Variants in KHDRBS3 observed in about 807,000 individuals in gnomAD.
The protein encoded by KHDRBS3 is KH domain-containing, RNA-binding, signal transduction-associated protein 3.
KHDRBS3 carries 23 observed loss-of-function variants against 45.6 expected under a neutral mutation model. The ratio of observed to expected loss-of-function variants is 0.50; its 90% CI spans 0.36 to 0.72. The LOEUF (loss-of-function observed/expected upper bound fraction) is 0.72. KHDRBS3 is among the 30% of genes least tolerant of loss of function. The pLI, the probability that KHDRBS3 is intolerant of heterozygous loss-of-function variation, is 0.00. For synonymous variants in KHDRBS3, 162 were observed against 156.5 expected (o/e 1.04, Z -0.26); for missense variants, 352 against 424.8 (o/e 0.83, Z 1.51).
At chr8:135,534,522 A>G (rs1825637658) in intron 2 of KHDRBS3, among the ~76,000 whole-genome samples, 1 of 152,162 alleles carries the variant, frequency 6.6e-6, no homozygotes, top group Non-Finnish European at 1.5e-5. Flanking sequence ...CGCTCAGAGA[A>G]ATCACCATCT....
At chr8:135,610,384 T>G (rs1194476150) in intron 7 of KHDRBS3, among the ~76,000 whole-genome samples, 1 of 151,882 alleles carries the variant, frequency 6.6e-6, no homozygotes, top group Non-Finnish European at 1.5e-5. Context: ...GCTCATGGTC[T>G]TTCTACTTGA....
At chr8:135,610,097 A>G (rs998774516) in intron 7 of KHDRBS3, among the ~76,000 whole-genome samples, 5 of 151,878 alleles carry the variant, frequency 3.3e-5, no homozygotes, top group African/African-American at 1.2e-4. Context: ...GGTTTTTGAT[A>G]TTTGATATAA....
At chr8:135,654,649 C>T (rs1347228025) in intron 4 of KHDRBS3, among the ~76,000 whole-genome samples, 1 of 152,178 alleles carries the variant, frequency 6.6e-6, no homozygotes, top group Non-Finnish European at 1.5e-5. Context: ...GAAAGTCCTG[C>T]GACCCTTCCT....
chr8:135,619,708 A>C (rs888792341), intron 7 of KHDRBS3, among the ~76,000 whole-genome samples: 21 of 152,368 alleles, frequency 1.4e-4, no homozygotes, highest in Middle Eastern at 3.4e-3. Context: ...GTCGAAGCTA[A>C]ATATGTCTTA....
chr8:135,652,268 C>A (rs141443422), downstream of KHDRBS3, among the ~76,000 whole-genome samples: 70 of 152,304 alleles, frequency 4.6e-4, 2 homozygotes, highest in African/African-American at 1.6e-3. Flanking sequence ...GATGGAAAAT[C>A]CCGTCCAGTT....
At chr8:135,467,224 T>C (rs1821742864) in intron 1 of KHDRBS3, among the ~76,000 whole-genome samples, 2 of 152,264 alleles carry the variant, frequency 1.3e-5, no homozygotes, top group Admixed American at 1.3e-4. Context: ...TCGTTGTATC[T>C]AAGATGAGAT....
chr8:135,624,474 A>G (rs561280495), intron 7 of KHDRBS3, among the ~76,000 whole-genome samples: 1 of 152,350 alleles, frequency 6.6e-6, no homozygotes, highest in African/African-American at 2.4e-5. Context: ...AAAAATAGAA[A>G]TGCTTAATGA....
intron 6 of KHDRBS3, chr8:135,593,352 A>T (rs2130971473): frequency 6.6e-6 from 1 of 152,334 alleles, no homozygotes; most frequent in South Asian, 2.1e-4. Context: ...ATTTGGATCC[A>T]CAAGTATACA....
At chr8:135,507,044 G>A (rs747876482) in intron 1 of KHDRBS3, among the ~76,000 whole-genome samples, 3 of 151,756 alleles carry the variant, frequency 2.0e-5, no homozygotes, top group Admixed American at 1.3e-4. Flanking sequence ...TTATCTGCCC[G>A]CCCCAAATAA....
chr8:135,612,145 G>A (rs73712092), intron 7 of KHDRBS3, among the ~76,000 whole-genome samples: 1,994 of 151,838 alleles, frequency 0.013, 100 homozygotes, highest in African/African-American at 0.046. Context: ...AATCACCTCG[G>A]TGCCAAAACA....
intron 2 of KHDRBS3, among the ~76,000 whole-genome samples, chr8:135,530,782 A>G (rs556728108): frequency 5.3e-5 from 8 of 152,320 alleles, no homozygotes; most frequent in Admixed American, 2.0e-4. Context: ...ATTTTTGTCT[A>G]CGCACTTCTC....
chr8:135,521,947 C>CT (rs146334159), intron 2 of KHDRBS3, among the ~76,000 whole-genome samples: 2 of 151,824 alleles, frequency 1.3e-5, no homozygotes, highest in Admixed American at 6.6e-5. Context: ...TTTTCTTTTT[C>CT]TTTTTTTAAC....
chr8:135,610,937 T>A (rs1829683412), intron 7 of KHDRBS3, among the ~76,000 whole-genome samples: 1 of 151,902 alleles, frequency 6.6e-6, no homozygotes, highest in Admixed American at 6.6e-5. Flanking sequence ...AAAGGTATGA[T>A]GTGTTTATAC....
At chr8:135,574,749 A>T (rs1827874012) in intron 5 of KHDRBS3, among the ~76,000 whole-genome samples, 1 of 152,340 alleles carries the variant, frequency 6.6e-6, no homozygotes, top group East Asian at 1.9e-4. Flanking sequence ...CTCTAGATAT[A>T]TATACTGGAG....
At chr8:135,506,827 C>T (rs1490336805) in intron 1 of KHDRBS3, among the ~76,000 whole-genome samples, 4 of 151,760 alleles carry the variant, frequency 2.6e-5, no homozygotes, top group African/African-American at 7.3e-5. Context: ...CCTAATTGTA[C>T]CATTGTTTTT....
intron 7 of KHDRBS3, among the ~76,000 whole-genome samples, chr8:135,629,301 G>A (rs1196651965): frequency 6.6e-6 from 1 of 152,180 alleles, no homozygotes; most frequent in African/African-American, 2.4e-5. Context: ...CTAAATGGCA[G>A]GCCAGTGACT....
At chr8:135,566,927 A>G (rs1827448728) in intron 5 of KHDRBS3, among the ~76,000 whole-genome samples, 1 of 152,212 alleles carries the variant, frequency 6.6e-6, no homozygotes, top group Non-Finnish European at 1.5e-5. Context: ...TGGCTGGTAG[A>G]GCAATAAACA....
chr8:135,570,269 CAA>C (rs1827637973), intron 5 of KHDRBS3, among the ~76,000 whole-genome samples: 1 of 151,964 alleles, frequency 6.6e-6, no homozygotes, highest in Non-Finnish European at 1.5e-5. Flanking sequence ...GCGTAAACAC[CAA>C]AGTGTTACAT....
intron 6 of KHDRBS3, among the ~76,000 whole-genome samples, chr8:135,600,858 C>A (rs1829180075): frequency 6.6e-6 from 1 of 152,140 alleles, no homozygotes; most frequent in Non-Finnish European, 1.5e-5. Context: ...ACCACCATGC[C>A]TGGCTAAGTT....
Sources: allele counts gnomAD v4.1 joint callset (sites outside exome capture counted in the v4.1 genomes callset), GRCh38; gene constraint gnomAD v4.1.1; transcripts MANE v1.5; gene names NCBI Gene and HGNC (gene_info 2026-07-23, HGNC 2026-07-21).